The following GALNT11 variants were observed in gnomAD, a reference collection of about 807,000 sequenced individuals.
GALNT11 encodes the protein polypeptide N-acetylgalactosaminyltransferase 11, also known as UDP-GalNAc:polypeptide N-acetylgalactosaminyltransferase 11.
GALNT11 carries 47 observed loss-of-function variants against 72.7 expected under a neutral mutation model. The ratio of observed to expected loss-of-function variants is 0.65; its 90% confidence interval spans 0.51 to 0.82. The LOEUF (loss-of-function observed/expected upper bound fraction) is 0.82, where lower values mean the gene tolerates loss of function less well. Ranked by LOEUF, GALNT11 falls within the 40% of genes least tolerant of loss-of-function variation. The pLI, the probability that GALNT11 is intolerant of heterozygous loss-of-function variation, is 0.00. For synonymous variants in GALNT11, 270 were observed against 286.6 expected, an observed-to-expected ratio of 0.94 and a Z score of 0.58; for missense variants, 677 against 778.4, an observed-to-expected ratio of 0.87 and a Z score of 1.55.
intron 5 of GALNT11, among the ~76,000 whole-genome samples, chr7:152,105,883 CCTT>C (rs2087493486): frequency 6.6e-6 from 1 of 152,164 alleles, no homozygotes; most frequent in South Asian, 2.1e-4. Flanking sequence ...CCCTCTTAAT[CCTT>C]CTGATTCCAT....
chr7:152,060,621 C>G (rs529467302), intron 1 of GALNT11, among the ~76,000 whole-genome samples: 7 of 149,512 alleles, frequency 4.7e-5, no homozygotes, highest in Admixed American at 1.3e-4. Context: ...GCTATCCCTC[C>G]CCCCCCTCCA....
chr7:152,100,219 T>G (rs1254553776), intron 2 of GALNT11, among the ~76,000 whole-genome samples: 4 of 151,950 alleles, frequency 2.6e-5, no homozygotes, highest in African/African-American at 9.7e-5. Context: ...TTATAAAAAT[T>G]TTTTTCCTGG....
Position 152,072,101 on chromosome 7 carries a change from C to T in GALNT11, c.-38-22089C>T, listed in dbSNP as rs1237407289. On this transcript the variant is annotated intron_variant, in intron 1 of 11. Coordinates refer to ENST00000430044, the MANE Select transcript of GALNT11 (RefSeq NM_022087.4). ...TTGGGAGGCCAAGGCAGGTGGATCA[C>T]TTGAGGTCAGGAGTTTGAGACCAGC... Among the ~76,000 whole-genome samples, 2 of 151,264 alleles carry T rather than the reference C, an allele frequency of 1.3e-5. 1 individual carries two copies.
At chr7:152,104,337 C>T (rs973604487) in intron 4 of GALNT11, 2 of 152,062 alleles carry the variant, frequency 1.3e-5, no homozygotes, top group Non-Finnish European at 2.9e-5. Context: ...TTCATGCACT[C>T]GAGCGTTTAT....
At chr7:152,080,839 G>A (rs973653311) in intron 1 of GALNT11, among the ~76,000 whole-genome samples, 20 of 151,756 alleles carry the variant, frequency 1.3e-4, no homozygotes, top group Non-Finnish European at 1.5e-4. Flanking sequence ...GCCTGGTGGC[G>A]GGCCCCTGTA....
intron 1 of GALNT11, among the ~76,000 whole-genome samples, chr7:152,091,478 G>C (rs1367099984): frequency 6.6e-6 from 1 of 152,070 alleles, no homozygotes; most frequent in Non-Finnish European, 1.5e-5. Context: ...CTGACTTTGT[G>C]ATCCGCCCAC....
At chr7:152,057,067 G>A (rs868067637) in intron 1 of GALNT11, among the ~76,000 whole-genome samples, 1 of 148,392 alleles carries the variant, frequency 6.7e-6, no homozygotes, top group African/African-American at 2.5e-5. Context: ...ATGTTGCCCA[G>A]GCCAGTCTTG....
chr7:152,116,965 C>CT (rs2088925992), intron 8 of GALNT11, 192 bp from the exon 9 acceptor site: 2 of 693,456 alleles, frequency 2.9e-6, no homozygotes, highest in Non-Finnish European at 5.2e-6. Context: ...ACATCGATGA[C>CT]TGAGACTCAC....
chr7:152,064,812 T>C (rs543490662), intron 1 of GALNT11, among the ~76,000 whole-genome samples: 1 of 152,360 alleles, frequency 6.6e-6, no homozygotes, highest in East Asian at 1.9e-4. Context: ...GAGTTTCTGC[T>C]GAGAGATCCG....
chr7:152,077,390 G>A (rs2085051921), intron 1 of GALNT11, among the ~76,000 whole-genome samples: 1 of 152,194 alleles, frequency 6.6e-6, no homozygotes, highest in African/African-American at 2.4e-5. Flanking sequence ...GGAAGAGCAG[G>A]TGAGAGGCTG....
At chr7:152,037,761 GTCT>G (rs1416903265) in intron 1 of GALNT11, among the ~76,000 whole-genome samples, 1 of 151,204 alleles carries the variant, frequency 6.6e-6, no homozygotes, top group Non-Finnish European at 1.5e-5. Context: ...GTGCGTGCAT[GTCT>G]TCAATTTTTT....
rs547807547 is a variant in GALNT11 at position 152,038,606 on chromosome 7, G to A, written c.-39+12722G>A. ...AGTTTATGGCCAGATTTTGGGGCCT[G>A]TTCCCAACATGTCCCCCTTTGTTTT... On this transcript the variant is annotated intron_variant, in intron 1 of 11. Transcript: ENST00000430044. Among the ~76,000 whole-genome samples the A allele has an allele frequency of 2.6e-5, 4 of 152,316 alleles. No homozygotes were observed. In the East Asian group the frequency reaches 7.7e-4, roughly 29 times the overall value.
At chr7:152,037,319 C>T (rs553730498) in intron 1 of GALNT11, among the ~76,000 whole-genome samples, 1 of 152,248 alleles carries the variant, frequency 6.6e-6, no homozygotes, top group South Asian at 2.1e-4. Flanking sequence ...TGAAGAGACT[C>T]TCCTTTTCCC....
At chr7:152,068,811 ATTGT>A in intron 1 of GALNT11, among the ~76,000 whole-genome samples, 1 of 151,484 alleles carries the variant, frequency 6.6e-6, no homozygotes, top group South Asian at 2.1e-4. Flanking sequence ...TTTAATTTTT[ATTGT>A]ATTTTTTTCT....
At chr7:152,035,306 T>C (rs1307660139) in intron 1 of GALNT11, among the ~76,000 whole-genome samples, 1 of 152,126 alleles carries the variant, frequency 6.6e-6, no homozygotes, top group African/African-American at 2.4e-5. Context: ...GAAATGATTC[T>C]TACAGGAGAA....
intron 1 of GALNT11, among the ~76,000 whole-genome samples, chr7:152,028,073 C>T (rs986760813): frequency 6.6e-6 from 1 of 152,184 alleles, no homozygotes; most frequent in Non-Finnish European, 1.5e-5. Context: ...TGTTACAGCT[C>T]ATAAAGTTAG....
intron 6 of GALNT11, among the ~76,000 whole-genome samples, chr7:152,109,327 G>GGGCC (rs1375386574): frequency 6.6e-6 from 1 of 152,198 alleles, no homozygotes; most frequent in African/African-American, 2.4e-5. Context: ...TTCAGCCTTT[G>GGGCC]AAGGCATCAT....
chr7:152,091,058 G>T (rs992870506), intron 1 of GALNT11, among the ~76,000 whole-genome samples: 12 of 151,520 alleles, frequency 7.9e-5, no homozygotes, highest in East Asian at 1.9e-4. Context: ...TGTTGTTGTT[G>T]TTTTTTTCAT....
rs543738748 is a variant in GALNT11, at chr7:152,085,675, A to G, written c.-38-8515A>G. ...AGGTGAGAAATTTATTGAATAATAG[A>G]CATCTGATTTCTTTGCATTTCCTTC... On this transcript the variant is annotated intron_variant, in intron 1 of 11. Transcript: ENST00000430044. Among the ~76,000 whole-genome samples the G allele has an allele frequency of 2.0e-5, 3 of 152,138 alleles. No homozygotes were observed. In the East Asian group the frequency reaches 5.8e-4, roughly 29 times the overall value.
Sources: gnomAD v4.1 joint callset for allele counts (sites outside exome capture counted in the v4.1 genomes callset) on GRCh38, gnomAD v4.1.1 for gene constraint, MANE v1.5 for transcripts, NCBI Gene and HGNC (gene_info 2026-07-23, HGNC 2026-07-21) for gene names.